The following NRP2 variants were observed in gnomAD, a reference collection of about 807,000 sequenced individuals.
The protein encoded by NRP2 is neuropilin-2.
Under a neutral mutation model 110.4 loss-of-function variants are expected in NRP2, and 52 were observed. The observed-to-expected ratio is 0.47, with a 90% CI of 0.38 to 0.59. NRP2 has a LOEUF of 0.59. Among genes scored for constraint, NRP2 ranks in the 20% least tolerant of loss-of-function variants. The pLI is 0.00. For synonymous variants in NRP2, 508 were observed against 468.9 expected (o/e 1.08, Z -1.08); for missense variants, 1,049 against 1,203.0 (o/e 0.87, Z 1.89).
rs540156742 is a variant in NRP2, at chr2:205,791,360, G to C, written c.2426-875G>C. 8.5e-4 allele frequency among the ~76,000 whole-genome samples: 130 copies of C among 152,320 alleles called. 1 individual carries two copies. The highest frequency in any genetic ancestry group is 2.9e-3 in the African/African-American group (122 of 41,568). On this transcript the variant is annotated intron_variant, in intron 15 of 16. Transcript: ENST00000357785. ...CTGACAGCTTGGAAAGGCATAATTA[G>C]CTTGTGAGATAGGAAGAAATGATAA...
rs778605047 is a variant in NRP2 at position 205,726,060 on chromosome 2, A to G, written c.968A>G (p.Asp323Gly). 1.2e-6 allele frequency: 2 copies of G among 1,614,204 alleles called. No individual in the cohort carries two copies. The highest frequency in any genetic ancestry group is 2.2e-5 in the South Asian group (2 of 91,078). Reference protein sequence around the residue: ...GDDNGWTPNLDSNKEYLQVDL... With the variant: ...GDDNGWTPNLGSNKEYLQVDL... The stretch of plus-strand genomic sequence containing the variant: ...GACAATGGCTGGACCCCCAACTTGG[A>G]TTCCAACAAGGAGTATCTCCAGGTA... Residue 323 changes from aspartate (D) to glycine (G), a missense_variant, in exon 6 of 17, where the codon GAT (aspartate) becomes GGT (glycine). Coordinates refer to ENST00000357785, the MANE Select transcript of NRP2 (RefSeq NM_003872.3).
intron 1 of NRP2, among the ~76,000 whole-genome samples, chr2:205,692,309 G>A (rs2056330728): frequency 6.6e-6 from 1 of 152,160 alleles, no homozygotes; most frequent in Admixed American, 6.5e-5. Flanking sequence ...TGATGGATTG[G>A]CTCATTTCTT....
intron 2 of NRP2, among the ~76,000 whole-genome samples, chr2:205,708,062 T>C (rs73983228): frequency 1.4e-3 from 211 of 152,350 alleles, no homozygotes; most frequent in African/African-American, 4.8e-3. Context: ...CTAGTGCTGC[T>C]GCTGCCGCTG....
At chr2:205,773,608 T>C (rs140864622) in intron 15 of NRP2, among the ~76,000 whole-genome samples, 8 of 152,326 alleles carry the variant, frequency 5.3e-5, no homozygotes, top group African/African-American at 1.7e-4. Flanking sequence ...ATTCTAAATA[T>C]GTAATCCATG....
Position 205,745,869 on chromosome 2 carries a change from G to C in NRP2, c.1765G>C (p.Val589Leu). Residue 589 changes from valine (V) to leucine (L), a missense_variant, in exon 10 of 17, where the codon GTG (valine) becomes CTG (leucine). Physicochemically the swap from Val to Leu is conservative, Grantham distance 32 (BLOSUM62 1). Coordinates refer to ENST00000357785, the MANE Select transcript of NRP2 (RefSeq NM_003872.3). ...GGCGGGGATTGGGATGCGGCTGGAG[G>C]TGCTGGGCTGTGACTGGACAGGTAA... ...SPAGIGMRLE[V>L]LGCDWTDSKP... The C allele has an allele frequency of 1.2e-6, 2 of 1,614,220 alleles. No individual in the cohort carries two copies. The highest frequency in any genetic ancestry group is 1.7e-6 in the Non-Finnish European group (2 of 1,180,040).
intron 7 of NRP2, among the ~76,000 whole-genome samples, chr2:205,739,180 A>G (rs2057397297): frequency 6.6e-6 from 1 of 152,142 alleles, no homozygotes; most frequent in Admixed American, 6.5e-5. Context: ...GGAGACTTTA[A>G]GGGCCCCATG....
intron 2 of NRP2, among the ~76,000 whole-genome samples, chr2:205,698,589 G>T (rs2056487085): frequency 6.6e-6 from 1 of 152,160 alleles, no homozygotes; most frequent in Non-Finnish European, 1.5e-5. Flanking sequence ...GTCCCTAAAA[G>T]TTAAGGTTGG....
At chr2:205,761,622 A>G (rs1396169767) in intron 12 of NRP2, 1 of 152,250 alleles carries the variant, frequency 6.6e-6, no homozygotes, top group Admixed American at 6.5e-5. Flanking sequence ...TACAGCTAAG[A>G]GGAGAAAAAG....
chr2:205,726,004 G>T lies in NRP2; in HGVS notation c.912G>T (p.Trp304Cys). 1 of 1,614,116 alleles carries T rather than the reference G, an allele frequency of 6.2e-7. No individual in the cohort carries two copies. The highest frequency in any genetic ancestry group is 8.5e-7 in the Non-Finnish European group (1 of 1,180,006). Residue 304 changes from tryptophan (W) to cysteine (C), a missense_variant, in exon 6 of 17, where the codon TGG (tryptophan) becomes TGT (cysteine). Trp to Cys is a radical substitution (Grantham distance 215). Transcript: ENST00000357785. Reference sequence around the variant, plus strand: ...CATCTACCTACTCTGATGGGAGGTGGACCCCTCAACAAAGCCGGCTCCATG... The same window carrying T: ...CATCTACCTACTCTGATGGGAGGTGTACCCCTCAACAAAGCCGGCTCCATG... Reference protein sequence around the residue: ...SASSTYSDGRWTPQQSRLHGD... With the variant: ...SASSTYSDGRCTPQQSRLHGD...
intron 15 of NRP2, among the ~76,000 whole-genome samples, chr2:205,773,544 G>A (rs1297798477): frequency 2.0e-5 from 3 of 152,176 alleles, no homozygotes; most frequent in Non-Finnish European, 4.4e-5. Context: ...TACTTAAAGT[G>A]GAGTTTGTCT....
chr2:205,704,710 G>A (rs1327083879), intron 2 of NRP2, among the ~76,000 whole-genome samples: 1 of 152,252 alleles, frequency 6.6e-6, no homozygotes, highest in East Asian at 1.9e-4. Flanking sequence ...TGTTGCAATT[G>A]TAACTGTCTC....
intron 2 of NRP2, among the ~76,000 whole-genome samples, chr2:205,700,489 C>T (rs1457424997): frequency 1.3e-5 from 2 of 152,194 alleles, no homozygotes; most frequent in Non-Finnish European, 2.9e-5. Flanking sequence ...CTCGTGTTTG[C>T]CCGGGTTCTT....
intron 3 of NRP2, among the ~76,000 whole-genome samples, chr2:205,719,278 G>A (rs147700422): frequency 1.7e-4 from 26 of 152,270 alleles, no homozygotes; most frequent in African/African-American, 6.0e-4. Context: ...ACCCTGGTGA[G>A]GCTCTGCTGT....
intron 3 of NRP2, among the ~76,000 whole-genome samples, chr2:205,718,352 C>T (rs927958097): frequency 3.3e-5 from 5 of 152,202 alleles, no homozygotes; most frequent in East Asian, 1.9e-4. Flanking sequence ...AATTCAATAT[C>T]GCTGTCTTGA....
chr2:205,743,133 C>A, intron 8 of NRP2, 70 bp from the exon 9 acceptor site: 1 of 1,600,042 alleles, frequency 6.2e-7, no homozygotes, highest in African/African-American at 1.3e-5. Context: ...CAGCTCCCTT[C>A]TTATAGCGGG....
At chr2:205,720,420 G>C (rs1158923325) in intron 3 of NRP2, among the ~76,000 whole-genome samples, 1 of 152,066 alleles carries the variant, frequency 6.6e-6, no homozygotes, top group South Asian at 2.1e-4. Flanking sequence ...GGAAGCACTT[G>C]TGCCCTACCA....
intron 7 of NRP2, among the ~76,000 whole-genome samples, chr2:205,733,046 C>A (rs2057271356): frequency 6.6e-6 from 1 of 152,096 alleles, no homozygotes; most frequent in African/African-American, 2.4e-5. Context: ...CTTCCAAGTT[C>A]AAGTCCCTCA....
chr2:205,757,513 G>A (rs907929504), intron 12 of NRP2, among the ~76,000 whole-genome samples: 1 of 152,196 alleles, frequency 6.6e-6, no homozygotes, highest in African/African-American at 2.4e-5. Context: ...AATAACTGAT[G>A]AGTGAATTTA....
At chr2:205,707,341 G>A (rs548933104) in intron 2 of NRP2, among the ~76,000 whole-genome samples, 3 of 152,366 alleles carry the variant, frequency 2.0e-5, no homozygotes, top group South Asian at 2.1e-4. Context: ...CCGCCCTGGC[G>A]TGGCAGCAGC....
Sources: allele counts gnomAD v4.1 joint callset (sites outside exome capture counted in the v4.1 genomes callset), GRCh38; gene constraint gnomAD v4.1.1; transcripts MANE v1.5; gene names NCBI Gene and HGNC (gene_info 2026-07-23, HGNC 2026-07-21).